The following IL12RB2 variants were observed in gnomAD, a reference collection of about 807,000 sequenced individuals.
IL12RB2 encodes the protein interleukin 12 receptor subunit beta 2.
Under a neutral mutation model 89.4 loss-of-function variants are expected in IL12RB2, and 82 were observed. The ratio of observed to expected loss-of-function variants is 0.92; its 90% confidence interval spans 0.77 to 1.10. The LOEUF is 1.10. IL12RB2 is among the 50% of genes least tolerant of loss of function. The probability of loss-of-function intolerance (pLI) is 0.00; values close to 1 mark genes in which losing one functional copy is unlikely to be tolerated. For synonymous variants in IL12RB2, 368 were observed against 370.1 expected, an observed-to-expected ratio of 0.99 and a Z score of 0.07; for missense variants, 963 against 1,031.9, an observed-to-expected ratio of 0.93 and a Z score of 0.92.
At chr1:67,385,667 T>G (rs1358593411) in intron 14 of IL12RB2, among the ~76,000 whole-genome samples, 1 of 152,210 alleles carries the variant, frequency 6.6e-6, no homozygotes, top group Non-Finnish European at 1.5e-5. Flanking sequence ...TAATGGCCAA[T>G]TCCAATAAGT....
At chr1:67,393,016 G>A (rs1665993312) in intron 16 of IL12RB2, among the ~76,000 whole-genome samples, 1 of 152,158 alleles carries the variant, frequency 6.6e-6, no homozygotes, top group Admixed American at 6.5e-5. Context: ...CTTAAATATG[G>A]CCTCGAGGAT....
chr1:67,329,576 C>A lies in IL12RB2; in HGVS notation c.665-11C>A. ...CCTGAACCACACTTTTTTGTTTGTC[C>A]TGGTTACTAGTGAGGCCTCTTCCTC... On this transcript the variant is annotated splice_polypyrimidine_tract_variant and intron_variant, in intron 6 of 16. Transcript: ENST00000674203. 1 of 1,551,220 alleles carries A rather than the reference C, an allele frequency of 6.4e-7. No individual in the cohort carries two copies. The highest frequency in any genetic ancestry group is 8.9e-7 in the Non-Finnish European group (1 of 1,122,652).
chr1:67,333,304 T>C (rs1658331796), intron 8 of IL12RB2, among the ~76,000 whole-genome samples: 1 of 152,228 alleles, frequency 6.6e-6, no homozygotes, highest in African/African-American at 2.4e-5. Flanking sequence ...GTAAAAGGTG[T>C]GAATTTTTTT....
chr1:67,344,754 T>A (rs1045301095), intron 9 of IL12RB2, among the ~76,000 whole-genome samples: 2 of 152,232 alleles, frequency 1.3e-5, no homozygotes, highest in African/African-American at 4.8e-5. Context: ...TGGTTAAGAC[T>A]TCACCCTCCA....
chr1:67,387,377 T>TTA (rs1432209542), intron 15 of IL12RB2, among the ~76,000 whole-genome samples: 1 of 152,096 alleles, frequency 6.6e-6, no homozygotes, highest in Non-Finnish European at 1.5e-5. Context: ...CTATAACATA[T>TTA]TATGTGTCCA....
chr1:67,363,125 T>A (rs1427762813), intron 10 of IL12RB2, among the ~76,000 whole-genome samples: 1 of 151,508 alleles, frequency 6.6e-6, no homozygotes, highest in African/African-American at 2.4e-5. Flanking sequence ...ATGGTTTTGA[T>A]CTCCTGATCT....
chr1:67,351,847 G>A (rs1301633537), intron 10 of IL12RB2, among the ~76,000 whole-genome samples: 3 of 152,076 alleles, frequency 2.0e-5, no homozygotes, highest in Non-Finnish European at 4.4e-5. Context: ...TCACAATTAG[G>A]CAAGGAAATT....
In IL12RB2 at chr1:67,368,023, C is replaced by T. The variant is rs149984549; in HGVS notation, c.1457C>T (p.Ser486Leu). Residue 486 changes from serine (S) to leucine (L), a missense_variant and splice_region_variant, in exon 11 of 17, where the codon TCA becomes TTA. Ser to Leu is a moderately radical substitution (Grantham distance 145, BLOSUM62 -2). Coordinates refer to ENST00000674203, the MANE Select transcript of IL12RB2 (RefSeq NM_001374259.2). ...CCCTACAATGTGTCTGCTCTGATTT[C>T]AGGTACCTAATTGTTCACCTTCCTT... ...SRPYNVSALI[S>L]ENIKSYICYE... The T allele has an allele frequency of 6.3e-7, 1 of 1,580,536 alleles. No individual in the cohort carries two copies. The highest frequency in any genetic ancestry group is 1.3e-5 in the African/African-American group (1 of 74,202).
chr1:67,382,723 T>TTTG (rs1269070091), intron 14 of IL12RB2, among the ~76,000 whole-genome samples: 1 of 151,284 alleles, frequency 6.6e-6, no homozygotes, highest in Non-Finnish European at 1.5e-5. Flanking sequence ...TTTTTTTTTT[T>TTTG]GAGACAGGGT....
At chr1:67,389,009 A>C (rs1197243326) in intron 15 of IL12RB2, among the ~76,000 whole-genome samples, 1 of 152,164 alleles carries the variant, frequency 6.6e-6, no homozygotes, top group Non-Finnish European at 1.5e-5. Flanking sequence ...TCTTCATGGA[A>C]ATTGTGAAGA....
chr1:67,377,016 T>C (rs1664056907), intron 13 of IL12RB2, among the ~76,000 whole-genome samples: 1 of 152,242 alleles, frequency 6.6e-6, no homozygotes, highest in Non-Finnish European at 1.5e-5. Context: ...CACAAGGACT[T>C]TTCTCAACAG....
rs1055623445 is a variant in IL12RB2 at position 67,397,627 on chromosome 1, C to T, written c.*1538C>T. Among the ~76,000 whole-genome samples, 1 of 152,234 alleles carries T rather than the reference C, an allele frequency of 6.6e-6. No individual in the cohort carries two copies. Among genetic ancestry groups the T allele is most frequent in the Admixed American group, 6.5e-5 (1 of 15,282 alleles). ...TGCCACCCTCCCTAGCCCATTGCTGCCTCTGTCTCTTCACCATAGGCACTT... is the reference window on the plus strand; with the variant it reads ...TGCCACCCTCCCTAGCCCATTGCTGTCTCTGTCTCTTCACCATAGGCACTT... On this transcript the variant is annotated 3_prime_UTR_variant, in exon 17 of 17. Coordinates refer to ENST00000674203, the MANE Select transcript of IL12RB2 (RefSeq NM_001374259.2).
At chr1:67,349,341 T>C (rs1483051537) in intron 9 of IL12RB2, among the ~76,000 whole-genome samples, 1 of 152,194 alleles carries the variant, frequency 6.6e-6, no homozygotes, top group Non-Finnish European at 1.5e-5. Context: ...GTAACAGTCC[T>C]ATCTCTGGAC....
chr1:67,342,209 GTTTTTTTTGT>G (rs993874444), intron 9 of IL12RB2, among the ~76,000 whole-genome samples: 4 of 150,460 alleles, frequency 2.7e-5, no homozygotes, highest in Admixed American at 1.3e-4. Flanking sequence ...TGTTTTTTGG[GTTTTTTTTGT>G]TTTTTTTTGT....
chr1:67,324,749 A>G (rs2100629712), intron 4 of IL12RB2, among the ~76,000 whole-genome samples: 1 of 152,368 alleles, frequency 6.6e-6, no homozygotes, highest in Non-Finnish European at 1.5e-5. Context: ...TTAATAGTCC[A>G]GGGAGAAGTG....
At position 67,329,666 on chromosome 1, in the gene IL12RB2, T is replaced by A. The variant is rs970414661; in HGVS notation, c.744T>A (p.Asp248Glu). The A allele has an allele frequency of 1.9e-6, 3 of 1,589,374 alleles. No individual in the cohort carries two copies. The highest frequency in any genetic ancestry group is 2.6e-6 in the Non-Finnish European group (3 of 1,157,416). ...GCAGATGTACCCTTTATTGGAGAGA[T>A]GAGGGACTGGTACTGCTTAATCGAC... is the stretch of plus-strand genomic sequence containing the variant. ...SVSRCTLYWR[D>E]EGLVLLNRLR... Residue 248 changes from aspartate to glutamate, a missense_variant, in exon 7 of 17, where the codon GAT becomes GAA. By Grantham distance (45) the Asp-to-Glu change is conservative. Coordinates refer to ENST00000674203, the MANE Select transcript of IL12RB2 (RefSeq NM_001374259.2).
At chr1:67,334,173 T>C (rs1351655620) in intron 8 of IL12RB2, among the ~76,000 whole-genome samples, 1 of 152,234 alleles carries the variant, frequency 6.6e-6, no homozygotes, top group Non-Finnish European at 1.5e-5. Flanking sequence ...TCATTTGTAA[T>C]TTAAAAATAT....
At chr1:67,338,013 T>C (rs1406520221) in intron 8 of IL12RB2, among the ~76,000 whole-genome samples, 1 of 151,970 alleles carries the variant, frequency 6.6e-6, no homozygotes, top group East Asian at 1.9e-4. Flanking sequence ...CCTTGGGTTA[T>C]TTTAATAACA....
At chr1:67,327,566 G>A (rs555188217) in intron 5 of IL12RB2, among the ~76,000 whole-genome samples, 12 of 152,154 alleles carry the variant, frequency 7.9e-5, no homozygotes, top group African/African-American at 2.7e-4. Flanking sequence ...TTTCCCATTC[G>A]CTTGGATAAG....
Sources: gnomAD v4.1 joint callset for allele counts (sites outside exome capture counted in the v4.1 genomes callset) on GRCh38, gnomAD v4.1.1 for gene constraint, MANE v1.5 for transcripts, NCBI Gene and HGNC (gene_info 2026-07-23, HGNC 2026-07-21) for gene names.